Variants in ZKSCAN2 observed in about 807,000 individuals in gnomAD.
ZKSCAN2 encodes zinc finger with KRAB and SCAN domains 2, also known as zinc finger protein with KRAB and SCAN domains 2.
ZKSCAN2 carries 38 observed loss-of-function variants against 90.5 expected under a neutral mutation model. The ratio of observed to expected loss-of-function variants is 0.42; its 90% confidence interval spans 0.32 to 0.55. The LOEUF (loss-of-function observed/expected upper bound fraction) is 0.55, where lower values mean the gene tolerates loss of function less well. Among genes scored for constraint, ZKSCAN2 ranks in the 20% least tolerant of loss-of-function variants. The pLI, the probability that ZKSCAN2 is intolerant of heterozygous loss-of-function variation, is 0.11. For synonymous variants in ZKSCAN2, 429 were observed against 421.6 expected, an observed-to-expected ratio of 1.02 and a Z score of -0.22; for missense variants, 1,167 against 1,202.6, an observed-to-expected ratio of 0.97 and a Z score of 0.44.
At chr16:25,251,388 G>GT (rs1420162462) in intron 4 of ZKSCAN2, among the ~76,000 whole-genome samples, 1 of 151,944 alleles carries the variant, frequency 6.6e-6, no homozygotes, top group East Asian at 1.9e-4. Flanking sequence ...ATATATTTTC[G>GT]TAAGTATTTA....
rs778586979 is a variant in ZKSCAN2, at chr16:25,257,157, A to G, written c.-30T>C. On this transcript the variant is annotated 5_prime_UTR_variant, in exon 1 of 7. Transcript: ENST00000328086. ...CAGCCCAGGGGTCAACTTCACGTCTAGCTCAAGGTGGGGACCCAAAGAAGA... is the reference window on the plus strand; with the variant it reads ...CAGCCCAGGGGTCAACTTCACGTCTGGCTCAAGGTGGGGACCCAAAGAAGA... The G allele has an allele frequency of 6.4e-7, 1 of 1,551,352 alleles. No homozygotes were observed. The highest frequency in any genetic ancestry group is 1.2e-5 in the South Asian group (1 of 80,790).
At position 25,239,745 on chromosome 16, in the gene ZKSCAN2, G is replaced by T; in HGVS notation, c.*71C>A. On this transcript the variant is annotated 3_prime_UTR_variant, in exon 7 of 7. Transcript: ENST00000328086. ...CTTGGAAATTACACTTCATAGCTAA[G>T]AAAAGATTGCTTCCAAGAATGAGAT... is the stretch of plus-strand genomic sequence containing the variant. 7.5e-7 allele frequency: 1 copy of T among 1,333,072 alleles called. No individual in the cohort carries two copies. Among genetic ancestry groups the T allele is most frequent in the Non-Finnish European group, 1.0e-6 (1 of 968,826 alleles). 82.6% of individuals were successfully genotyped at this position (1,333,072 alleles called of 1,614,324 possible).
At position 25,246,726 on chromosome 16, in the gene ZKSCAN2, G is replaced by C; in HGVS notation, c.1470C>G (p.Val490=). ...IRKSEIHGAP[V]LFQNLSGVHW... is the part of the protein sequence containing the mutation. ...TCTTACCACTGAGATTCTGAAACAA[G>C]ACAGGGGCACCATGGATTTCAGACT... The change falls in exon 5 of 7, where the codon GTC becomes GTG. Residue 490 remains valine, a synonymous_variant. Coordinates refer to ENST00000328086, the MANE Select transcript of ZKSCAN2 (RefSeq NM_001012981.5). The C allele has an allele frequency of 6.2e-7, 1 of 1,614,188 alleles. No individual in the cohort carries two copies. The highest frequency in any genetic ancestry group is 8.5e-7 in the Non-Finnish European group (1 of 1,180,028).
Position 25,239,838 on chromosome 16 carries a change from TCA to T in ZKSCAN2, c.2880_2881del (p.Asp961Ter). The T allele has an allele frequency of 6.3e-7, 1 of 1,586,242 alleles. No homozygotes were observed. The highest frequency in any genetic ancestry group is 8.6e-7 in the Non-Finnish European group (1 of 1,167,930). On this transcript the variant is annotated frameshift_variant, in exon 7 of 7. Coordinates refer to ENST00000328086, the MANE Select transcript of ZKSCAN2 (RefSeq NM_001012981.5). LOFTEE classifies it high-confidence loss of function. ...TCATCAAAAAGTTTTCCTAAATTCATCAGTCTTTCCCTTATGTGGGTTCTCAG... is the reference window on the plus strand; with the variant it reads ...TCATCAAAAAGTTTTCCTAAATTCATGTCTTTCCCTTATGTGGGTTCTCAG...
At chr16:25,247,778 T>C (rs1962956164) in intron 4 of ZKSCAN2, among the ~76,000 whole-genome samples, 1 of 152,094 alleles carries the variant, frequency 6.6e-6, no homozygotes, top group Non-Finnish European at 1.5e-5. Context: ...CACCCCAACA[T>C]ACATAACATA....
rs912341727 is a variant in ZKSCAN2 at position 25,244,392 on chromosome 16, G to C, written c.1490-116C>G. ...AAAATCCCATTCACAGTGGCAACAA[G>C]AACTACATATGCCTAGGAATAAGCT... On this transcript the variant is annotated intron_variant, in intron 5 of 6. Coordinates refer to ENST00000328086, the MANE Select transcript of ZKSCAN2 (RefSeq NM_001012981.5). The C allele has an allele frequency of 1.3e-5, 14 of 1,066,938 alleles. No homozygotes were observed. The African/African-American group carries it at 1.8e-4, about 13-fold the overall frequency. The allele number at this position is 1,066,938 out of a possible 1,614,324, so 66.1% of individuals were successfully genotyped here.
rs1962788383 is a variant in ZKSCAN2, at chr16:25,237,547, C to CA, written c.*2268dup. 6.6e-6 allele frequency: 1 copy of CA among 152,188 alleles called. No individual in the cohort carries two copies. The highest frequency in any genetic ancestry group is 1.5e-5 in the Non-Finnish European group (1 of 68,048). The allele number at this position is 152,188 out of a possible 1,614,324, so 9.4% of individuals were successfully genotyped here. On this transcript the variant is annotated 3_prime_UTR_variant, in exon 7 of 7. Transcript: ENST00000328086. ...TGGGCAACTTAGCGCAACTCTTCTG[C>CA]AGGGGAAGGTGATGTTCTCATGACT...
At position 25,255,365 on chromosome 16, in the gene ZKSCAN2, G is replaced by T; in HGVS notation, c.427C>A (p.His143Asn). ...TCCCACGCTGCTCCAAGTGGGGAGT[G>T]CTTCTCCCGGTGCACGGGACTGCTG... Reference protein sequence around the residue: ...QVSSPVHREKHSPLGAAWEVA... With the variant: ...QVSSPVHREKNSPLGAAWEVA... The change falls in exon 2 of 7, where the codon CAC becomes AAC. Residue 143 changes from histidine to asparagine, a missense_variant. By Grantham distance (68) the His-to-Asn change is moderately conservative. Transcript: ENST00000328086. The T allele has an allele frequency of 6.2e-7, 1 of 1,612,526 alleles. No individual in the cohort carries two copies. The highest frequency in any genetic ancestry group is 8.5e-7 in the Non-Finnish European group (1 of 1,179,868).
Position 25,244,173 on chromosome 16 carries a change from A to G in ZKSCAN2, c.1593T>C (p.Tyr531=), listed in dbSNP as rs140092906. 6.8e-6 allele frequency: 11 copies of G among 1,613,956 alleles called. No homozygotes were observed. The African/African-American group carries it at 1.5e-4, about 22-fold the overall frequency. Residue 531 remains tyrosine, a synonymous_variant, in exon 6 of 7, where the codon TAT becomes TAC. Coordinates refer to ENST00000328086, the MANE Select transcript of ZKSCAN2 (RefSeq NM_001012981.5). The part of the protein sequence containing the change: ...LQACHRKSKL[Y]GAVAEQLREC... ...CTCGAAGCTGTTCAGCTACAGCCCC[A>G]TACAATTTGCTCTTCCGATGACAGG...
In ZKSCAN2 at chr16:25,244,193, G is replaced by A; in HGVS notation, c.1573C>T (p.His525Tyr). The change falls in exon 6 of 7, where the codon CAT becomes TAT. Residue 525 changes from histidine to tyrosine, a missense_variant. Transcript: ENST00000328086. ...TRFYEALQAC[H>Y]RKSKLYGAVA... ...GCCCCATACAATTTGCTCTTCCGATGACAGGCTTGAAGCGCTTCATAAAAC... is the reference window on the plus strand; with the variant it reads ...GCCCCATACAATTTGCTCTTCCGATAACAGGCTTGAAGCGCTTCATAAAAC... The A allele has an allele frequency of 6.2e-7, 1 of 1,614,138 alleles. No individual in the cohort carries two copies. The highest frequency in any genetic ancestry group is 8.5e-7 in the Non-Finnish European group (1 of 1,180,030).
chr16:25,255,672 C>A (rs1052938251), intron 1 of ZKSCAN2, among the ~76,000 whole-genome samples: 1 of 152,234 alleles, frequency 6.6e-6, no homozygotes, highest in East Asian at 1.9e-4. Context: ...ACCTCCACCT[C>A]CCAGGTTCAA....
chr16:25,240,162 TGC>T lies in ZKSCAN2; in HGVS notation c.2556_2557del (p.Thr854ArgfsTer2). The T allele has an allele frequency of 1.9e-6, 3 of 1,614,110 alleles. No homozygotes were observed. The highest frequency in any genetic ancestry group is 2.5e-6 in the Non-Finnish European group (3 of 1,180,026). Reference sequence around the variant, plus strand: ...ACACTGATAGGGCTTCTCACCGGTGTGCGTTCTCTGATGTATAATAAGACTAG... The same window carrying T: ...ACACTGATAGGGCTTCTCACCGGTGTGTTCTCTGATGTATAATAAGACTAG... On this transcript the variant is annotated frameshift_variant, in exon 7 of 7. Transcript: ENST00000328086. LOFTEE classifies it high-confidence loss of function.
intron 4 of ZKSCAN2, among the ~76,000 whole-genome samples, chr16:25,250,994 G>C (rs1349093694): frequency 1.3e-5 from 2 of 152,096 alleles, no homozygotes; most frequent in Non-Finnish European, 2.9e-5. Flanking sequence ...GACCTCAGGT[G>C]ATCTGTCTGC....
Position 25,253,037 on chromosome 16 carries a change from G to A in ZKSCAN2, c.587C>T (p.Ala196Val). The A allele has an allele frequency of 6.2e-7, 1 of 1,612,818 alleles. No homozygotes were observed. Residue 196 changes from alanine (A) to valine (V), a missense_variant and splice_region_variant, in exon 3 of 7, where the codon GCT (alanine) becomes GTT (valine). By Grantham distance (64) the Ala-to-Val change is moderately conservative (BLOSUM62 0). Coordinates refer to ENST00000328086, the MANE Select transcript of ZKSCAN2 (RefSeq NM_001012981.5). ...GGCAGGAACCCAGGGAGAAGGCCGA[G>A]CTGTAAGAATAGAAAGAAACGATTA... The part of the protein sequence containing the change: ...KRERRPLPKN[A>V]RPSPWVPALA...
rs1963131194 is a variant in ZKSCAN2 at position 25,257,602 on chromosome 16, C to T, written c.-475G>A. ...AGGTTCCGGGCTCGGGTCACCGCAG[C>T]ACGTCCAGGCCGCCGCGGGTGCCGC... On this transcript the variant is annotated 5_prime_UTR_variant, in exon 1 of 7. Transcript: ENST00000328086. 2 of 765,010 alleles carry T rather than the reference C, an allele frequency of 2.6e-6. No individual in the cohort carries two copies. Among genetic ancestry groups the T allele is most frequent in the Admixed American group, 6.2e-5 (1 of 16,006 alleles). The allele number at this position is 765,010 out of a possible 1,614,324, so 47.4% of individuals were successfully genotyped here.
At position 25,240,674 on chromosome 16, in the gene ZKSCAN2, CTGTTCCA is replaced by C; in HGVS notation, c.2039_2045del (p.Met680SerfsTer5). On this transcript the variant is annotated frameshift_variant, in exon 7 of 7. Transcript: ENST00000328086. LOFTEE classifies it high-confidence loss of function. ...TAGACTTTTCTATTAATGCCCTATG[CTGTTCCA>C]TGTCCTTATATACTATCTGTGTTGG... 1 of 1,614,160 alleles carries C rather than the reference CTGTTCCA, an allele frequency of 6.2e-7. No individual in the cohort carries two copies. The highest frequency in any genetic ancestry group is 8.5e-7 in the Non-Finnish European group (1 of 1,179,990).
chr16:25,253,347 G>C (rs142294368), intron 2 of ZKSCAN2, among the ~76,000 whole-genome samples: 49 of 152,234 alleles, frequency 3.2e-4, no homozygotes, highest in African/African-American at 1.1e-3. Context: ...TCATGTCTCA[G>C]TGTGAGACTA....
intron 2 of ZKSCAN2, among the ~76,000 whole-genome samples, chr16:25,254,079 G>GTAT (rs1963059991): frequency 6.6e-6 from 1 of 152,170 alleles, no homozygotes; most frequent in African/African-American, 2.4e-5. Context: ...CCTGACCAAG[G>GTAT]CCACATAGAT....
At chr16:25,255,784 T>C (rs951016655) in intron 1 of ZKSCAN2, among the ~76,000 whole-genome samples, 4 of 152,202 alleles carry the variant, frequency 2.6e-5, no homozygotes, top group Middle Eastern at 3.2e-3. Context: ...GGTTTCATTA[T>C]GTTGGTCAGG....
Sources: gnomAD v4.1 joint callset for allele counts (sites outside exome capture counted in the v4.1 genomes callset) on GRCh38, gnomAD v4.1.1 for gene constraint, MANE v1.5 for transcripts, NCBI Gene and HGNC (gene_info 2026-07-23, HGNC 2026-07-21) for gene names.